SLC24A2: variants seen among roughly 807,000 people sequenced by gnomAD.
The protein encoded by SLC24A2 is solute carrier family 24 member 2.
In SLC24A2, 36 loss-of-function variants were observed where a neutral mutation model predicts 62.0. The observed-to-expected ratio is 0.58, with a 90% confidence interval of 0.44 to 0.77. The LOEUF (loss-of-function observed/expected upper bound fraction) is 0.77. SLC24A2 is among the 30% of genes least tolerant of loss of function. The pLI is 0.00. For synonymous variants in SLC24A2, 358 were observed against 294.0 expected (o/e 1.22, Z -2.23); for missense variants, 846 against 817.9 (o/e 1.03, Z -0.42).
the SLC24A2 span, among the ~76,000 whole-genome samples, chr9:20,091,323 G>A: frequency 3.3e-5 from 5 of 152,064 alleles, no homozygotes; most frequent in African/African-American, 1.2e-4. Context: ...CCCCACTGGA[G>A]AGGCCAACAG....
At chr9:19,803,524 T>C in the SLC24A2 span, among the ~76,000 whole-genome samples, 3 of 152,198 alleles carry the variant, frequency 2.0e-5, no homozygotes, top group African/African-American at 7.2e-5. Context: ...GTTTTAATTA[T>C]AATTTTTAAA....
chr9:20,214,189 T>G, the SLC24A2 span, among the ~76,000 whole-genome samples: 1 of 152,016 alleles, frequency 6.6e-6, no homozygotes, highest in Non-Finnish European at 1.5e-5. Context: ...AATCAAAGAG[T>G]GGCATCGTGA....
At chr9:20,274,793 G>A in the SLC24A2 span, among the ~76,000 whole-genome samples, 1 of 152,076 alleles carries the variant, frequency 6.6e-6, no homozygotes. Context: ...ATCTCTTGGG[G>A]ATGAAGAAAC....
At chr9:20,076,542 C>T in the SLC24A2 span, among the ~76,000 whole-genome samples, 3 of 152,122 alleles carry the variant, frequency 2.0e-5, no homozygotes, top group Non-Finnish European at 1.5e-5. Flanking sequence ...GCAAGAAAGA[C>T]TCTCCTTCGG....
At chr9:19,665,506 G>C (rs563044145) in intron 2 of SLC24A2, among the ~76,000 whole-genome samples, 1 of 152,134 alleles carries the variant, frequency 6.6e-6, no homozygotes, top group Non-Finnish European at 1.5e-5. Context: ...ATTGGTGGTA[G>C]AATTCTCTAT....
chr9:19,512,817 T>C lies in SLC24A2; in HGVS notation c.*3336A>G, dbSNP rs1832767167. ...GCTCCAGAGAAGCAAAGAGAGTATC[T>C]GCAGTCTAAATTTTTGCTTTGTATT... On this transcript the variant is annotated 3_prime_UTR_variant, in exon 11 of 11. Coordinates refer to ENST00000341998, the MANE Select transcript of SLC24A2 (RefSeq NM_020344.4). 1 of 152,190 alleles carries C rather than the reference T, an allele frequency of 6.6e-6. No homozygotes were observed. The highest frequency in any genetic ancestry group is 1.5e-5 in the Non-Finnish European group (1 of 68,042). 9.4% of individuals were successfully genotyped at this position (152,190 alleles called of 1,614,324 possible). A position where few individuals can be genotyped will look rare whatever the true frequency, so the allele number is the denominator to read the frequency against.
At chr9:19,724,901 A>T (rs1821126358) in intron 2 of SLC24A2, among the ~76,000 whole-genome samples, 1 of 152,176 alleles carries the variant, frequency 6.6e-6, no homozygotes, top group Non-Finnish European at 1.5e-5. Context: ...ACTACAGTTA[A>T]ATCCAAAATC....
chr9:20,054,827 T>C, the SLC24A2 span, among the ~76,000 whole-genome samples: 1 of 152,202 alleles, frequency 6.6e-6, no homozygotes, highest in Non-Finnish European at 1.5e-5. Context: ...AGTAAATAGA[T>C]ACCCAGTAGA....
the SLC24A2 span, among the ~76,000 whole-genome samples, chr9:20,029,851 T>C: frequency 6.6e-6 from 1 of 152,092 alleles, no homozygotes; most frequent in Middle Eastern, 3.4e-3. Context: ...TGTGTATGCA[T>C]GTATGTGTGT....
At chr9:20,238,063 C>T in the SLC24A2 span, among the ~76,000 whole-genome samples, 1 of 152,148 alleles carries the variant, frequency 6.6e-6, no homozygotes, top group Non-Finnish European at 1.5e-5. Flanking sequence ...CGTAAGGACC[C>T]TTGGGCTGGA....
the SLC24A2 span, among the ~76,000 whole-genome samples, chr9:20,099,526 A>T: frequency 6.6e-6 from 1 of 152,168 alleles, no homozygotes. Context: ...TCCTTCAAAA[A>T]CAATTTTTAA....
intron 8 of SLC24A2, among the ~76,000 whole-genome samples, chr9:19,543,744 G>A (rs1182015252): frequency 6.6e-6 from 1 of 152,160 alleles, no homozygotes; most frequent in African/African-American, 2.4e-5. Context: ...GCAGTTTTGA[G>A]TGAGTTTCTT....
chr9:19,845,611 G>C, the SLC24A2 span, among the ~76,000 whole-genome samples: 1 of 151,924 alleles, frequency 6.6e-6, no homozygotes, highest in Admixed American at 6.6e-5. Context: ...CTCTGATTTT[G>C]GTTATTTCTT....
the SLC24A2 span, among the ~76,000 whole-genome samples, chr9:20,056,741 T>A: frequency 5.3e-5 from 8 of 152,312 alleles, no homozygotes; most frequent in Non-Finnish European, 2.9e-5. Context: ...TGAAGCTTGA[T>A]TGCATGGCAT....
the SLC24A2 span, among the ~76,000 whole-genome samples, chr9:20,167,534 C>G: frequency 6.6e-6 from 1 of 151,942 alleles, no homozygotes; most frequent in Non-Finnish European, 1.5e-5. Context: ...ATGACACACC[C>G]ATAGCAATGA....
chr9:20,074,636 A>G, the SLC24A2 span, among the ~76,000 whole-genome samples: 1 of 59,736 alleles, frequency 1.7e-5, no homozygotes, highest in African/African-American at 6.7e-5. Flanking sequence ...GGAGGGAGGG[A>G]CGGGAAGGGG....
chr9:19,564,468 A>G (rs1536586), intron 7 of SLC24A2, among the ~76,000 whole-genome samples: 110,156 of 152,056 alleles, frequency 0.72, 41,862 homozygotes, highest in East Asian at 1. Flanking sequence ...TTGTAAAGTA[A>G]GAATAAAATC....
intron 4 of SLC24A2, among the ~76,000 whole-genome samples, chr9:19,604,389 G>T (rs1587022218): frequency 6.6e-6 from 1 of 152,170 alleles, no homozygotes; most frequent in East Asian, 1.9e-4. Flanking sequence ...TTTAAAAAAT[G>T]GCAATGGAAA....
At position 19,521,949 on chromosome 9, in the gene SLC24A2, C is replaced by T. The variant is rs549385162; in HGVS notation, c.1570-889G>A. Among the ~76,000 whole-genome samples, 14 of 151,380 alleles carry T rather than the reference C, an allele frequency of 9.2e-5. No individual in the cohort carries two copies. The South Asian group carries it at 2.5e-3, about 27-fold the overall frequency. ...ATTTTGGAAGGTTGGTCTAGCCTCA[C>T]GTGGAAGCTCCTCCATTCTCTTGAG... On this transcript the variant is annotated intron_variant, in intron 9 of 10. Transcript: ENST00000341998.
Sources: gnomAD v4.1 joint callset for allele counts (sites outside exome capture counted in the v4.1 genomes callset) on GRCh38, gnomAD v4.1.1 for gene constraint, MANE v1.5 for transcripts, NCBI Gene and HGNC (gene_info 2026-07-23, HGNC 2026-07-21) for gene names.